The following SLC10A6 variants were observed in gnomAD, a reference collection of about 807,000 sequenced individuals.
SLC10A6 encodes sodium-dependent organic anion transporter.
SLC10A6 carries 27 observed loss-of-function variants against 30.0 expected under a neutral mutation model. That is an observed-to-expected ratio of 0.90 (90% CI 0.66 to 1.24). The LOEUF (loss-of-function observed/expected upper bound fraction) is 1.24. Among genes scored for constraint, SLC10A6 ranks in the 50% most tolerant of loss-of-function variants. SLC10A6 has a pLI of 0.00. For missense variants in SLC10A6, 439 were observed against 457.0 expected, an observed-to-expected ratio of 0.96 and a Z score of 0.36; for synonymous variants, 166 against 173.8, an observed-to-expected ratio of 0.95 and a Z score of 0.36.
intron 1 of SLC10A6, among the ~76,000 whole-genome samples, chr4:86,837,300 AGG>A (rs1560460414): frequency 1.8e-4 from 22 of 123,600 alleles, no homozygotes; most frequent in South Asian, 5.3e-4. Flanking sequence ...AAAGGAAGGA[AGG>A]AAGGAAGGAA....
At chr4:86,836,071 C>T (rs1746180107) in intron 1 of SLC10A6, among the ~76,000 whole-genome samples, 1 of 152,190 alleles carries the variant, frequency 6.6e-6, no homozygotes, top group Non-Finnish European at 1.5e-5. Flanking sequence ...CCAAAACCAA[C>T]AGCCATGCTA....
chr4:86,832,249 C>T (rs2149411333), intron 2 of SLC10A6, among the ~76,000 whole-genome samples: 1 of 152,242 alleles, frequency 6.6e-6, no homozygotes, highest in East Asian at 1.9e-4. Context: ...AACTATGGGC[C>T]ATGGGTTGTA....
chr4:86,845,640 G>A (rs1179227332), intron 1 of SLC10A6, among the ~76,000 whole-genome samples: 1 of 152,188 alleles, frequency 6.6e-6, no homozygotes, highest in Non-Finnish European at 1.5e-5. Context: ...CACTTTCATT[G>A]TTGTGAAAAT....
chr4:86,843,914 C>T (rs904174742), intron 1 of SLC10A6, among the ~76,000 whole-genome samples: 1 of 152,126 alleles, frequency 6.6e-6, no homozygotes, highest in Non-Finnish European at 1.5e-5. Flanking sequence ...CTCGGTGGCT[C>T]ACACCGGTAA....
intron 4 of SLC10A6, among the ~76,000 whole-genome samples, chr4:86,826,574 AAATAAAT>A (rs1301165314): frequency 6.6e-6 from 1 of 152,028 alleles, no homozygotes; most frequent in East Asian, 1.9e-4. Context: ...ATAAATAAAT[AAATAAAT>A]AAAAACACAA....
At chr4:86,838,324 C>T (rs1422557611) in intron 1 of SLC10A6, among the ~76,000 whole-genome samples, 3 of 152,204 alleles carry the variant, frequency 2.0e-5, no homozygotes, top group African/African-American at 4.8e-5. Flanking sequence ...ACCTGTCCAT[C>T]TGTGCCAGAG....
At chr4:86,848,651 A>G (rs527897472) in intron 1 of SLC10A6, 88 bp downstream of exon 1, 1 of 1,421,254 alleles carries the variant, frequency 7.0e-7, no homozygotes, top group East Asian at 2.3e-5. Context: ...CTACCAAAAG[A>G]TTAGAAGAGT....
At chr4:86,824,953 G>A (rs1745954236) in intron 5 of SLC10A6, among the ~76,000 whole-genome samples, 2 of 152,282 alleles carry the variant, frequency 1.3e-5, no homozygotes, top group South Asian at 4.1e-4. Flanking sequence ...ATTTGTATAT[G>A]TGTAATATTT....
At chr4:86,837,802 T>C (rs1746226336) in intron 1 of SLC10A6, 1 of 207,592 alleles carries the variant, frequency 4.8e-6, no homozygotes, top group Non-Finnish European at 8.4e-6. Context: ...TTTAAGCATG[T>C]ACAAACTGTT....
In SLC10A6 at chr4:86,825,493, G is replaced by A. The variant is rs771837791; in HGVS notation, c.846C>T (p.His282=). 4.3e-6 allele frequency: 7 copies of A among 1,613,142 alleles called. No homozygotes were observed. The highest frequency in any genetic ancestry group is 1.3e-5 in the African/African-American group (1 of 75,050). ...GTGGGAAACTCAACATCTGGACCAA[G>A]TGCTCAGCAGTGAAAGATAACTGGA... The part of the protein sequence containing the change: ...TMLQLSFTAE[H]LVQMLSFPLA... The change falls in exon 5 of 6, where the codon CAC becomes CAT. Residue 282 remains histidine (H), a synonymous_variant. Coordinates refer to ENST00000273905, the MANE Select transcript of SLC10A6 (RefSeq NM_197965.3).
intron 1 of SLC10A6, among the ~76,000 whole-genome samples, chr4:86,837,339 A>AGGCAGGCAGGCAGGC (rs1560460513): frequency 9.7e-6 from 1 of 103,046 alleles, no homozygotes; most frequent in African/African-American, 5.6e-5. Flanking sequence ...GGAAGGAAGG[A>AGGCAGGCAGGCAGGC]AGGAAGGCAG....
At chr4:86,841,721 A>G (rs1578759574) in intron 1 of SLC10A6, among the ~76,000 whole-genome samples, 1 of 152,232 alleles carries the variant, frequency 6.6e-6, no homozygotes, top group Admixed American at 6.5e-5. Context: ...TTAAGTTATT[A>G]TAAATTGTTT....
intron 1 of SLC10A6, among the ~76,000 whole-genome samples, chr4:86,840,753 T>C (rs551535131): frequency 7.9e-4 from 121 of 152,296 alleles, no homozygotes; most frequent in African/African-American, 2.7e-3. Context: ...CATTGATAAA[T>C]AACTTTCTTT....
chr4:86,846,250 A>G (rs1746388116), intron 1 of SLC10A6, among the ~76,000 whole-genome samples: 1 of 152,190 alleles, frequency 6.6e-6, no homozygotes, highest in South Asian at 2.1e-4. Context: ...TGTACCTATA[A>G]GCTTCTAAAA....
chr4:86,823,827 G>C lies in SLC10A6; in HGVS notation c.995C>G (p.Thr332Arg). The change falls in exon 6 of 6, where the codon ACG becomes AGG. Residue 332 changes from threonine (T) to arginine (R), a missense_variant. By Grantham distance (71) the Thr-to-Arg change is moderately conservative. Transcript: ENST00000273905. ...CTCTCTGGAAGAAGTCGATTTCCTC[G>C]TATGGCAGACTTCTGTGCAACCTGA... ...KNSGCTEVCH[T>R]RKSTSSRETN... The C allele has an allele frequency of 6.2e-7, 1 of 1,614,132 alleles. No individual in the cohort carries two copies. The highest frequency in any genetic ancestry group is 8.5e-7 in the Non-Finnish European group (1 of 1,180,000).
intron 1 of SLC10A6, among the ~76,000 whole-genome samples, chr4:86,846,658 G>A (rs1019501308): frequency 1.3e-5 from 2 of 152,114 alleles, no homozygotes; most frequent in African/African-American, 2.4e-5. Context: ...CCCAGGAGGT[G>A]GAGGTTGCAG....
intron 1 of SLC10A6, among the ~76,000 whole-genome samples, chr4:86,834,463 T>C (rs1746146068): frequency 6.6e-6 from 1 of 152,250 alleles, no homozygotes; most frequent in African/African-American, 2.4e-5. Context: ...GCTTCATTCT[T>C]TTTATGTCCT....
chr4:86,845,332 T>C (rs1442327302), intron 1 of SLC10A6, among the ~76,000 whole-genome samples: 1 of 152,180 alleles, frequency 6.6e-6, no homozygotes, highest in Admixed American at 6.5e-5. Context: ...CAGAGAACTA[T>C]GAGCAGCCCA....
intron 1 of SLC10A6, among the ~76,000 whole-genome samples, chr4:86,842,786 T>TTTCTTTCTTTCTTTCTTTC (rs1746312918): frequency 1.9e-5 from 2 of 106,696 alleles, no homozygotes; most frequent in Non-Finnish European, 1.9e-5. Flanking sequence ...TGGACACCTC[T>TTTCTTTCTTTCTTTCTTTC]TTTCTTTCTT....
Sources: gnomAD v4.1 joint callset for allele counts (sites outside exome capture counted in the v4.1 genomes callset) on GRCh38, gnomAD v4.1.1 for gene constraint, MANE v1.5 for transcripts, NCBI Gene and HGNC (gene_info 2026-07-23, HGNC 2026-07-21) for gene names.